The following MBP variants were observed in gnomAD, a reference collection of about 807,000 sequenced individuals.
MBP encodes the protein Golli-MBP.
MBP carries 16 observed loss-of-function variants against 35.8 expected under a neutral mutation model. That is an observed-to-expected ratio of 0.45 (90% CI 0.30 to 0.68). MBP has a LOEUF of 0.68. Ranked by LOEUF, MBP falls within the 30% of genes least tolerant of loss-of-function variation. The probability of loss-of-function intolerance (pLI) is 0.08; values close to 1 mark genes in which losing one functional copy is unlikely to be tolerated. For missense variants in MBP, 380 were observed against 404.7 expected (o/e 0.94, Z 0.52); for synonymous variants, 143 against 159.6 (o/e 0.90, Z 0.78).
intron 2 of MBP, among the ~76,000 whole-genome samples, chr18:77,069,565 C>T (rs1974346248): frequency 6.6e-6 from 1 of 152,144 alleles, no homozygotes; most frequent in South Asian, 2.1e-4. Context: ...CCCTTCTCAC[C>T]GGAGAGTAGA....
At chr18:77,129,396 G>A (rs566406282) in intron 1 of MBP, among the ~76,000 whole-genome samples, 1 of 152,342 alleles carries the variant, frequency 6.6e-6, no homozygotes, top group African/African-American at 2.4e-5. Flanking sequence ...CAGTCGGCCG[G>A]GGAGATCAGC....
At chr18:77,094,854 CA>C (rs1184698325) in intron 2 of MBP, among the ~76,000 whole-genome samples, 1 of 152,208 alleles carries the variant, frequency 6.6e-6, no homozygotes, top group Non-Finnish European at 1.5e-5. Context: ...ATTAAAAACA[CA>C]GTTGTTCAGT....
rs1969087699 is a variant in MBP, at chr18:76,979,996, CCT to C, written c.*429_*430del. On this transcript the variant is annotated 3_prime_UTR_variant, in exon 9 of 9. Coordinates refer to ENST00000355994, the MANE Select transcript of MBP (RefSeq NM_001025101.2). Reference sequence around the variant, plus strand: ...CAAAGGAAGCTTGGATGTCAACAGTCCTCTCTGCCGCCCACGTCCTCTCTGTC... The same window carrying C: ...CAAAGGAAGCTTGGATGTCAACAGTCCTCTGCCGCCCACGTCCTCTCTGTC... 1 of 702,502 alleles carries C rather than the reference CCT, an allele frequency of 1.4e-6. No individual in the cohort carries two copies. Among genetic ancestry groups the C allele is most frequent in the South Asian group, 1.5e-5 (1 of 67,612 alleles). 43.5% of individuals were successfully genotyped at this position (702,502 alleles called of 1,614,324 possible).
intron 3 of MBP, among the ~76,000 whole-genome samples, chr18:77,055,477 G>A (rs11150999): frequency 6.6e-6 from 1 of 152,126 alleles, no homozygotes; most frequent in South Asian, 2.1e-4. Flanking sequence ...GATGAACTGC[G>A]CTTAAAATGG....
chr18:76,997,712 T>G (rs1462309241), intron 4 of MBP, among the ~76,000 whole-genome samples: 1 of 150,672 alleles, frequency 6.6e-6, no homozygotes, highest in Non-Finnish European at 1.5e-5. Context: ...AGACGGAGTC[T>G]CACTTTGTCC....
intron 4 of MBP, among the ~76,000 whole-genome samples, chr18:77,007,656 G>A (rs113567141): frequency 4.1e-4 from 62 of 152,026 alleles, no homozygotes; most frequent in African/African-American, 1.4e-3. Context: ...AAACACACAC[G>A]CACACACACC....
At chr18:77,022,141 G>A (rs1332675322) in intron 3 of MBP, among the ~76,000 whole-genome samples, 1 of 152,182 alleles carries the variant, frequency 6.6e-6, no homozygotes, top group Non-Finnish European at 1.5e-5. Flanking sequence ...TAAGTGAGAC[G>A]TATCATGCAG....
chr18:77,032,762 T>C (rs948190332), intron 3 of MBP, among the ~76,000 whole-genome samples: 3 of 152,166 alleles, frequency 2.0e-5, no homozygotes, highest in African/African-American at 7.2e-5. Context: ...GTACCAACAC[T>C]GGACAGACCC....
intron 2 of MBP, among the ~76,000 whole-genome samples, chr18:77,073,843 C>T (rs551323915): frequency 2.6e-5 from 4 of 152,310 alleles, no homozygotes; most frequent in Admixed American, 6.5e-5. Context: ...TCTTGCCTTC[C>T]GCCAGTTCAC....
chr18:77,032,904 A>G (rs1031661167), intron 3 of MBP, among the ~76,000 whole-genome samples: 2 of 152,216 alleles, frequency 1.3e-5, no homozygotes, highest in African/African-American at 2.4e-5. Context: ...ACACTAGTTG[A>G]ACTGAGTTGA....
intron 4 of MBP, chr18:77,014,160 T>C (rs898754098): frequency 1.5e-5 from 15 of 985,318 alleles, no homozygotes; most frequent in African/African-American, 1.7e-5. Flanking sequence ...CAAAAGAATA[T>C]GCCTTCTCAA....
At chr18:77,023,250 TAAAG>T (rs1288394461) in intron 3 of MBP, among the ~76,000 whole-genome samples, 1 of 152,116 alleles carries the variant, frequency 6.6e-6, no homozygotes, top group Non-Finnish European at 1.5e-5. Context: ...GTTTACTAAA[TAAAG>T]AAACTCAGGC....
intron 4 of MBP, among the ~76,000 whole-genome samples, chr18:77,002,397 C>G (rs1259378273): frequency 6.6e-6 from 1 of 152,172 alleles, no homozygotes; most frequent in Admixed American, 6.5e-5. Context: ...TCTCAATATG[C>G]CCAGAGAGCA....
chr18:77,066,560 G>A, intron 2 of MBP, 175 bp from the exon 3 acceptor site: 1 of 760,762 alleles, frequency 1.3e-6, no homozygotes, highest in Non-Finnish European at 2.4e-6. Context: ...GCAGGATTCG[G>A]AATTCTGGCT....
At chr18:77,082,823 C>A (rs1975018991) in intron 2 of MBP, among the ~76,000 whole-genome samples, 1 of 152,270 alleles carries the variant, frequency 6.6e-6, no homozygotes, top group Non-Finnish European at 1.5e-5. Context: ...TTCCTCCCTG[C>A]AGCAGCTGGC....
intron 4 of MBP, among the ~76,000 whole-genome samples, chr18:77,009,538 C>T (rs1401653535): frequency 6.6e-6 from 1 of 152,244 alleles, no homozygotes; most frequent in Non-Finnish European, 1.5e-5. Context: ...CTTCAGGCCT[C>T]GGCAAAGTGA....
At chr18:76,999,658 A>G (rs1970525778) in intron 4 of MBP, among the ~76,000 whole-genome samples, 1 of 152,124 alleles carries the variant, frequency 6.6e-6, no homozygotes, top group South Asian at 2.1e-4. Context: ...CATGTTGCCC[A>G]GGCTGGTCTT....
Position 77,017,053 on chromosome 18 carries a change from T to C in MBP, c.355A>G (p.Thr119Ala), listed in dbSNP as rs761831720. ...DRPSESDELQ[T>A]IQEDSAATSE... ...GTGGCTGCACTGTCTTCTTGGATGG[T>C]CTGGAGCTCGTCGGACTCAGAGGGC... Residue 119 changes from threonine (T) to alanine (A), a missense_variant, in exon 4 of 9, where the codon ACC (threonine) becomes GCC (alanine). Thr to Ala is a moderately conservative substitution (Grantham distance 58). Transcript: ENST00000355994. The C allele has an allele frequency of 6.2e-7, 1 of 1,613,440 alleles. No homozygotes were observed. Among genetic ancestry groups the C allele is most frequent in the Non-Finnish European group, 8.5e-7 (1 of 1,179,498 alleles).
chr18:77,112,063 A>G (rs1488966715), intron 1 of MBP, among the ~76,000 whole-genome samples: 3 of 151,862 alleles, frequency 2.0e-5, no homozygotes, highest in Non-Finnish European at 2.9e-5. Context: ...GCAAGCAATC[A>G]TTTTTATTTC....
Sources: gnomAD v4.1 joint callset for allele counts (sites outside exome capture counted in the v4.1 genomes callset) on GRCh38, gnomAD v4.1.1 for gene constraint, MANE v1.5 for transcripts, NCBI Gene and HGNC (gene_info 2026-07-23, HGNC 2026-07-21) for gene names.